PPP4R4: variants seen among roughly 807,000 people sequenced by gnomAD.
PPP4R4 encodes protein phosphatase 4 regulatory subunit 4.
A neutral mutation model predicts 121.8 loss-of-function variants in PPP4R4; 70 were observed. The observed-to-expected ratio is 0.57, with a 90% CI of 0.47 to 0.70. The LOEUF is 0.70. PPP4R4 is among the 30% of genes least tolerant of loss of function. The probability of loss-of-function intolerance (pLI) is 0.00; values close to 1 mark genes in which losing one functional copy is unlikely to be tolerated. For missense variants in PPP4R4, 875 were observed against 1,033.6 expected, an observed-to-expected ratio of 0.85 and a Z score of 2.10; for synonymous variants, 348 against 355.7, an observed-to-expected ratio of 0.98 and a Z score of 0.24.
intron 11 of PPP4R4, 137 bp from the exon 12 acceptor site, chr14:94,244,498 C>A (rs912653355): frequency 1.7e-5 from 12 of 689,588 alleles, no homozygotes; most frequent in Non-Finnish European, 2.5e-5. Flanking sequence ...TTTATAGAAT[C>A]TAATTTTATA....
chr14:94,249,277 A>G (rs895788204), intron 14 of PPP4R4, among the ~76,000 whole-genome samples: 5 of 151,972 alleles, frequency 3.3e-5, no homozygotes, highest in Admixed American at 1.3e-4. Flanking sequence ...TTTCTAAATC[A>G]TAGGAAATAC....
At chr14:94,242,086 T>C in intron 10 of PPP4R4, 129 bp downstream of exon 10, 1 of 1,145,146 alleles carries the variant, frequency 8.7e-7, no homozygotes, top group Middle Eastern at 2.2e-4. Context: ...ACATAGTATG[T>C]GCAGAGTAAA....
chr14:94,263,788 T>G (rs1464384058), intron 19 of PPP4R4, among the ~76,000 whole-genome samples: 1 of 152,152 alleles, frequency 6.6e-6, no homozygotes, highest in Non-Finnish European at 1.5e-5. Context: ...AAATTTTCAG[T>G]TTTATGCTTT....
At chr14:94,243,748 C>G (rs768377444) in intron 11 of PPP4R4, among the ~76,000 whole-genome samples, 1 of 151,352 alleles carries the variant, frequency 6.6e-6, no homozygotes, top group East Asian at 1.9e-4. Context: ...TGATGTGCCT[C>G]TCCATAAAAT....
chr14:94,240,557 TACTATGAGGCTAAC>T lies in PPP4R4; in HGVS notation c.854-114_854-101del, dbSNP rs1314053783. On this transcript the variant is annotated intron_variant, in intron 8 of 24. Transcript: ENST00000304338. The stretch of plus-strand genomic sequence containing the variant: ...GTTGTTGCTTTCAGGTATTTTCTAT[TACTATGAGGCTAAC>T]ATAGTAATTTTTCTTTCTGGAATTT... 8.2e-5 allele frequency: 94 copies of T among 1,142,866 alleles called. No homozygotes were observed. In the South Asian group the frequency reaches 1.4e-3, roughly 17 times the overall value. The allele number at this position is 1,142,866 out of a possible 1,614,324, so 70.8% of individuals were successfully genotyped here. A position where few individuals can be genotyped will look rare whatever the true frequency, so the allele number is the denominator to read the frequency against.
intron 20 of PPP4R4, 33 bp from the exon 21 acceptor site, chr14:94,265,354 A>G (rs756280987): frequency 1.3e-6 from 2 of 1,490,548 alleles, no homozygotes; most frequent in African/African-American, 1.4e-5. Flanking sequence ...GACTTAGAGG[A>G]AATTATACAA....
At chr14:94,240,924 AT>A (rs1410399308) in intron 9 of PPP4R4, 129 bp downstream of exon 9, 2 of 1,184,984 alleles carry the variant, frequency 1.7e-6, no homozygotes, top group Non-Finnish European at 2.2e-6. Flanking sequence ...ATCTTATGAG[AT>A]CTTAGAATTT....
At chr14:94,228,217 ACCG>A (rs1891826857) in intron 3 of PPP4R4, among the ~76,000 whole-genome samples, 1 of 152,346 alleles carries the variant, frequency 6.6e-6, no homozygotes, top group African/African-American at 2.4e-5. Flanking sequence ...GATCTCCCAC[ACCG>A]CCACATGAAG....
intron 3 of PPP4R4, among the ~76,000 whole-genome samples, chr14:94,226,445 T>TGA (rs1445516235): frequency 1.3e-5 from 2 of 152,154 alleles, no homozygotes. Flanking sequence ...TGATTTTCAG[T>TGA]GATCTCATCT....
intron 2 of PPP4R4, among the ~76,000 whole-genome samples, chr14:94,178,042 G>A (rs781375805): frequency 6.6e-6 from 1 of 152,118 alleles, no homozygotes; most frequent in Non-Finnish European, 1.5e-5. Flanking sequence ...GGGGGAATGT[G>A]GGATTTCACC....
rs112784391 is a variant in PPP4R4 at position 94,275,391 on chromosome 14, C to T, written c.2467C>T (p.Arg823Cys). ...LSLADDSFRTRNASSVPSSFS... is the reference protein window; with the variant it reads ...LSLADDSFRTCNASSVPSSFS... ...GCTTTCAGATGATTCATTCCGGACT[C>T]GTAATGCCAGTAGCGTTCCATCTTC... Residue 823 changes from arginine to cysteine, a missense_variant, in exon 24 of 25, where the codon CGT becomes TGT. Coordinates refer to ENST00000304338, the MANE Select transcript of PPP4R4 (RefSeq NM_058237.2). 17 of 1,613,952 alleles carry T rather than the reference C, an allele frequency of 1.1e-5. 1 individual carries two copies. The East Asian group carries it at 1.8e-4, about 17-fold the overall frequency.
Position 94,241,890 on chromosome 14 carries a change from C to T in PPP4R4, c.1079C>T (p.Pro360Leu). The part of the protein sequence containing the change: ...QENGHNENQI[P>L]PQILEQEKKY... ...AATGGACACAATGAAAACCAGATTC[C>T]ACCCCAAATCCTAGAGCAGGAGAAG... The change falls in exon 10 of 25, where the codon CCA (proline) becomes CTA (leucine). Residue 360 changes from proline (P) to leucine (L), a missense_variant. By Grantham distance (98) the Pro-to-Leu change is moderately conservative (BLOSUM62 -3). Transcript: ENST00000304338. 6.2e-7 allele frequency: 1 copy of T among 1,610,820 alleles called. No individual in the cohort carries two copies. The highest frequency in any genetic ancestry group is 1.1e-5 in the South Asian group (1 of 90,582).
chr14:94,239,196 C>CTTT (rs370068876), intron 8 of PPP4R4, among the ~76,000 whole-genome samples: 16 of 145,376 alleles, frequency 1.1e-4, no homozygotes, highest in African/African-American at 3.8e-4. Flanking sequence ...CCTTCTGCTT[C>CTTT]TTTTTTTTTT....
chr14:94,250,826 C>A (rs1242479491), intron 15 of PPP4R4, among the ~76,000 whole-genome samples: 1 of 151,912 alleles, frequency 6.6e-6, no homozygotes, highest in African/African-American at 2.4e-5. Context: ...GTTGCACACA[C>A]CTATATATAC....
At chr14:94,219,330 T>C (rs1476569541) in intron 3 of PPP4R4, among the ~76,000 whole-genome samples, 1 of 152,024 alleles carries the variant, frequency 6.6e-6, no homozygotes, top group Non-Finnish European at 1.5e-5. Flanking sequence ...CCCCCAAAAG[T>C]GCTGGGATTA....
intron 2 of PPP4R4, among the ~76,000 whole-genome samples, chr14:94,199,362 T>C (rs954347093): frequency 2.0e-5 from 3 of 152,102 alleles, no homozygotes; most frequent in Middle Eastern, 3.2e-3. Flanking sequence ...GATGGGCAGG[T>C]TGTGGGGCTC....
intron 23 of PPP4R4, among the ~76,000 whole-genome samples, chr14:94,274,429 T>C (rs971008685): frequency 2.0e-5 from 3 of 152,148 alleles, no homozygotes; most frequent in Admixed American, 2.0e-4. Context: ...AAAGATGTCT[T>C]TGTAAAAATT....
At chr14:94,241,603 G>A (rs893532203) in intron 9 of PPP4R4, among the ~76,000 whole-genome samples, 185 bp from the exon 10 acceptor site, 1 of 151,904 alleles carries the variant, frequency 6.6e-6, no homozygotes, top group African/African-American at 2.4e-5. Flanking sequence ...TTAACATGAG[G>A]TAAAATAATG....
chr14:94,256,403 G>A (rs985608515), intron 16 of PPP4R4, 57 bp from the exon 17 acceptor site: 109 of 1,407,186 alleles, frequency 7.7e-5, no homozygotes, highest in Non-Finnish European at 1.0e-4. Context: ...TTTGTTTTAT[G>A]TTTCTGTTAT....
Sources: allele counts gnomAD v4.1 joint callset (sites outside exome capture counted in the v4.1 genomes callset), GRCh38; gene constraint gnomAD v4.1.1; transcripts MANE v1.5; gene names NCBI Gene and HGNC (gene_info 2026-07-23, HGNC 2026-07-21).